The following ADCY8 variants were observed in gnomAD, a reference collection of about 807,000 sequenced individuals.
ADCY8 encodes the protein adenylate cyclase type 8.
ADCY8 carries 51 observed loss-of-function variants against 119.7 expected under a neutral mutation model. The observed-to-expected ratio is 0.43, with a 90% confidence interval of 0.34 to 0.54. The LOEUF is 0.54. Ranked by LOEUF, ADCY8 falls within the 20% of genes least tolerant of loss-of-function variation. ADCY8 has a pLI of 0.03. For synonymous variants in ADCY8, 665 were observed against 651.0 expected (o/e 1.02, Z -0.33); for missense variants, 1,383 against 1,598.8 (o/e 0.87, Z 2.30).
At chr8:130,783,665 A>C in intron 17 of ADCY8, 26 bp downstream of exon 17, 1 of 1,562,100 alleles carries the variant, frequency 6.4e-7, no homozygotes, top group Non-Finnish European at 8.8e-7. Context: ...TGGCTCTATC[A>C]GGCCCCACCT....
chr8:130,960,162 T>C (rs971464936), intron 2 of ADCY8, among the ~76,000 whole-genome samples: 9 of 152,144 alleles, frequency 5.9e-5, no homozygotes, highest in Admixed American at 3.9e-4. Context: ...CTTGTAGGAA[T>C]TGGGACTGTG....
At chr8:130,958,996 A>C (rs1821519439) in intron 2 of ADCY8, among the ~76,000 whole-genome samples, 1 of 152,160 alleles carries the variant, frequency 6.6e-6, no homozygotes, top group Non-Finnish European at 1.5e-5. Flanking sequence ...ATAGGGCCTC[A>C]ATATATATTT....
chr8:130,916,642 G>A (rs748349081), intron 5 of ADCY8, among the ~76,000 whole-genome samples: 8 of 152,326 alleles, frequency 5.3e-5, no homozygotes, highest in Middle Eastern at 3.4e-3. Context: ...TGAGGGCAAG[G>A]AACACCTGGC....
chr8:130,900,952 AATCTCCT>A (rs1819578483), intron 7 of ADCY8, among the ~76,000 whole-genome samples: 1 of 152,120 alleles, frequency 6.6e-6, no homozygotes, highest in African/African-American at 2.4e-5. Flanking sequence ...TTCCTCACAC[AATCTCCT>A]ATTCCAGTAC....
At chr8:130,954,072 C>T (rs1199992710) in intron 2 of ADCY8, among the ~76,000 whole-genome samples, 6 of 152,192 alleles carry the variant, frequency 3.9e-5, no homozygotes, top group Non-Finnish European at 8.8e-5. Context: ...TAAGATGCCA[C>T]TGCATCTGCA....
chr8:130,823,881 G>A (rs1031264004), intron 12 of ADCY8, among the ~76,000 whole-genome samples: 24 of 152,152 alleles, frequency 1.6e-4, no homozygotes, highest in Admixed American at 7.2e-4. Context: ...ATACTGTTTC[G>A]TAAGCTACTT....
At chr8:130,989,324 G>GGACCTGGCTTCACTTACTTC (rs1321887324) in intron 2 of ADCY8, among the ~76,000 whole-genome samples, 1 of 152,086 alleles carries the variant, frequency 6.6e-6, no homozygotes, top group African/African-American at 2.4e-5. Context: ...AGAGTCACAC[G>GGACCTGGCTTCACTTACTTC]GACCTGGCTT....
At chr8:130,926,559 A>G (rs1745361354) in intron 5 of ADCY8, among the ~76,000 whole-genome samples, 1 of 152,216 alleles carries the variant, frequency 6.6e-6, no homozygotes, top group African/African-American at 2.4e-5. Context: ...GCTAATTAAC[A>G]CATGTATTAC....
chr8:131,001,500 A>G (rs1481948665), intron 1 of ADCY8, among the ~76,000 whole-genome samples: 2 of 151,516 alleles, frequency 1.3e-5, no homozygotes, highest in Non-Finnish European at 2.9e-5. Context: ...TGCCTCATAC[A>G]AGTGAGGTTA....
At chr8:130,869,552 C>G (rs1818258416) in intron 8 of ADCY8, among the ~76,000 whole-genome samples, 1 of 139,438 alleles carries the variant, frequency 7.2e-6, no homozygotes, top group South Asian at 2.2e-4. Flanking sequence ...GAGTCTCGCT[C>G]TGTCGCCCAG....
At chr8:130,962,018 C>G (rs1159979657) in intron 2 of ADCY8, among the ~76,000 whole-genome samples, 1 of 152,148 alleles carries the variant, frequency 6.6e-6, no homozygotes, top group Non-Finnish European at 1.5e-5. Flanking sequence ...AGTGCCAACA[C>G]TCATTAGATC....
intron 1 of ADCY8, among the ~76,000 whole-genome samples, chr8:131,012,139 G>A (rs1475742197): frequency 1.3e-5 from 2 of 152,106 alleles, no homozygotes; most frequent in African/African-American, 2.4e-5. Flanking sequence ...CAGAGCAAGA[G>A]TCCCACTGAA....
chr8:130,802,995 C>T (rs2164305), intron 14 of ADCY8, among the ~76,000 whole-genome samples: 15,965 of 152,208 alleles, frequency 0.1, 958 homozygotes, highest in Middle Eastern at 0.15. Flanking sequence ...GGTAACTAAT[C>T]GGATGATGCA....
intron 3 of ADCY8, among the ~76,000 whole-genome samples, chr8:130,949,985 C>T (rs1291848810): frequency 2.0e-5 from 3 of 152,160 alleles, no homozygotes; most frequent in Non-Finnish European, 4.4e-5. Flanking sequence ...ACCTATCCTG[C>T]TATGCCCGCT....
rs772240398 is a variant in ADCY8, at chr8:130,951,919, T to C, written c.1190A>G (p.His397Arg). 4 of 1,613,976 alleles carry C rather than the reference T, an allele frequency of 2.5e-6. No individual in the cohort carries two copies. The highest frequency in any genetic ancestry group is 3.4e-6 in the Non-Finnish European group (4 of 1,179,982). The change falls in exon 3 of 18, where the codon CAC (histidine) becomes CGC (arginine). Residue 397 changes from histidine (H) to arginine (R), a missense_variant. Coordinates refer to ENST00000286355, the MANE Select transcript of ADCY8 (RefSeq NM_001115.3). The part of the protein sequence containing the change: ...INDMTNVEDE[H>R]LQHQFHRIYI... ...GATCCGATGGAACTGGTGCTGCAGG[T>C]GCTCATCTTCCACATTGGTCATGTC...
Position 130,903,969 on chromosome 8 carries a change from C to G in ADCY8, c.1714G>C (p.Glu572Gln), listed in dbSNP as rs200760917. 1.2e-6 allele frequency: 2 copies of G among 1,614,166 alleles called. No homozygotes were observed. The highest frequency in any genetic ancestry group is 1.1e-5 in the South Asian group (1 of 91,086). ...DYNVEEGHGK[E>Q]RNEFLRKHNI... ...TGCTTCCTCAGGAATTCATTCCTCT[C>G]TTTACCATGGCCCTCTTCCACGTTA... Residue 572 changes from glutamate (E) to glutamine (Q), a missense_variant, in exon 7 of 18, where the codon GAG becomes CAG. Coordinates refer to ENST00000286355, the MANE Select transcript of ADCY8 (RefSeq NM_001115.3).
intron 5 of ADCY8, among the ~76,000 whole-genome samples, chr8:130,934,947 T>C: frequency 6.6e-6 from 1 of 152,206 alleles, no homozygotes; most frequent in South Asian, 2.1e-4. Flanking sequence ...ATGGGAGACT[T>C]TCAGATAAAT....
intron 5 of ADCY8, among the ~76,000 whole-genome samples, chr8:130,926,531 T>C (rs1430910802): frequency 6.6e-6 from 1 of 152,228 alleles, no homozygotes. Flanking sequence ...TTGAAACATA[T>C]ATACATTGTG....
chr8:130,887,986 G>C (rs1416547124), intron 7 of ADCY8, among the ~76,000 whole-genome samples: 1 of 152,028 alleles, frequency 6.6e-6, no homozygotes, highest in African/African-American at 2.4e-5. Context: ...TAATAGAATA[G>C]GGCTTTCTCT....
Sources: gnomAD v4.1 joint callset for allele counts (sites outside exome capture counted in the v4.1 genomes callset) on GRCh38, gnomAD v4.1.1 for gene constraint, MANE v1.5 for transcripts, NCBI Gene and HGNC (gene_info 2026-07-23, HGNC 2026-07-21) for gene names.